Variants in KCNH7 observed in about 807,000 individuals in gnomAD.
The protein encoded by KCNH7 is potassium voltage-gated channel subfamily H member 7.
In KCNH7, 49 loss-of-function variants were observed where a neutral mutation model predicts 120.8. That is an observed-to-expected ratio of 0.41 (90% confidence interval 0.32 to 0.51). The LOEUF is 0.51. KCNH7 is among the 20% of genes least tolerant of loss of function. The probability of loss-of-function intolerance (pLI) is 0.38; values close to 1 mark genes in which losing one functional copy is unlikely to be tolerated. For missense variants in KCNH7, 1,097 were observed against 1,446.6 expected (o/e 0.76, Z 3.92); for synonymous variants, 547 against 516.1 (o/e 1.06, Z -0.81).
At chr2:162,822,242 G>A (rs758380348) in intron 2 of KCNH7, among the ~76,000 whole-genome samples, 2 of 151,566 alleles carry the variant, frequency 1.3e-5, no homozygotes, top group Non-Finnish European at 2.9e-5. Context: ...CACTCAATAG[G>A]CATATCAACT....
chr2:162,437,370 G>A (rs1688274791), intron 7 of KCNH7, among the ~76,000 whole-genome samples: 1 of 152,226 alleles, frequency 6.6e-6, no homozygotes, highest in East Asian at 1.9e-4. Context: ...TTTCAGAGTG[G>A]AATGAAGGTG....
Position 162,689,143 on chromosome 2 carries a change from C to CTATTAT in KCNH7, c.307+147388_307+147393dup, listed in dbSNP as rs148007770. On this transcript the variant is annotated intron_variant, in intron 2 of 15. Coordinates refer to ENST00000332142, the MANE Select transcript of KCNH7 (RefSeq NM_033272.4). ...TTCATTATTGTATTACATTTAGTTA[C>CTATTAT]TATTATTATTATTATTATTATTATT... Among the ~76,000 whole-genome samples the CTATTAT allele has an allele frequency of 1.7e-3, 250 of 149,752 alleles. 2 individuals are homozygous for CTATTAT. The highest frequency in any genetic ancestry group is 0.011 in the East Asian group (55 of 5,032).
intron 2 of KCNH7, among the ~76,000 whole-genome samples, chr2:162,602,033 C>T (rs938168379): frequency 6.6e-6 from 1 of 151,980 alleles, no homozygotes; most frequent in African/African-American, 2.4e-5. Flanking sequence ...TATTAGGGTC[C>T]TTGCAGAGGA....
At chr2:162,495,006 C>G (rs183328818) in intron 6 of KCNH7, among the ~76,000 whole-genome samples, 39 of 152,254 alleles carry the variant, frequency 2.6e-4, no homozygotes, top group Non-Finnish European at 4.7e-4. Flanking sequence ...ATTGAGTAAG[C>G]TATACTCCTG....
intron 2 of KCNH7, among the ~76,000 whole-genome samples, chr2:162,704,522 C>T (rs1288601343): frequency 6.6e-6 from 1 of 152,166 alleles, no homozygotes; most frequent in Non-Finnish European, 1.5e-5. Context: ...AAACTAAGTG[C>T]TAAAATTCAG....
intron 2 of KCNH7, among the ~76,000 whole-genome samples, chr2:162,710,248 A>G (rs1417619387): frequency 6.6e-6 from 1 of 152,232 alleles, no homozygotes; most frequent in African/African-American, 2.4e-5. Context: ...CTGAAGCACT[A>G]AAATGAATGT....
chr2:162,674,838 C>A (rs537351830), intron 2 of KCNH7, among the ~76,000 whole-genome samples: 1 of 151,638 alleles, frequency 6.6e-6, no homozygotes, highest in Non-Finnish European at 1.5e-5. Flanking sequence ...ACATGAAAGG[C>A]AAACTGTAAA....
At chr2:162,490,642 T>C (rs1262596154) in intron 6 of KCNH7, among the ~76,000 whole-genome samples, 2 of 152,038 alleles carry the variant, frequency 1.3e-5, no homozygotes, top group Non-Finnish European at 2.9e-5. Context: ...GTGAGCCAAT[T>C]AAGAATAAAT....
intron 6 of KCNH7, among the ~76,000 whole-genome samples, chr2:162,466,863 G>A (rs898565069): frequency 1.3e-5 from 2 of 152,152 alleles, no homozygotes; most frequent in Non-Finnish European, 2.9e-5. Flanking sequence ...TGATTCAAAT[G>A]TATTAAATGT....
At chr2:162,483,825 C>A (rs1465512940) in intron 6 of KCNH7, among the ~76,000 whole-genome samples, 1 of 152,120 alleles carries the variant, frequency 6.6e-6, no homozygotes, top group East Asian at 1.9e-4. Flanking sequence ...CTGCTAGCAA[C>A]CCTGTATTTC....
chr2:162,380,093 C>T (rs1407275423), intron 13 of KCNH7, 72 bp from the exon 14 acceptor site: 3 of 1,532,392 alleles, frequency 2.0e-6, no homozygotes, highest in Middle Eastern at 1.7e-4. Flanking sequence ...TAGATATCCA[C>T]AAGACAAGCT....
rs184552608 is a variant in KCNH7, at chr2:162,518,073, C to T, written c.549G>A (p.Val183=). 57 of 1,612,200 alleles carry T rather than the reference C, an allele frequency of 3.5e-5. No individual in the cohort carries two copies. In the Admixed American group the frequency reaches 3.7e-4, roughly 10 times the overall value. ...CACTGTGTTTAGATGAATCGATGAC[C>T]ACCACATCGGGGTCTTCTTGTGGTA... ...QSLPQEDPDV[V]VIDSSKHSDD... The change falls in exon 4 of 16, where the codon GTG becomes GTA. Residue 183 remains valine (V), a synonymous_variant. Coordinates refer to ENST00000332142, the MANE Select transcript of KCNH7 (RefSeq NM_033272.4).
At chr2:162,599,719 T>C (rs1020232484) in intron 2 of KCNH7, among the ~76,000 whole-genome samples, 1 of 152,070 alleles carries the variant, frequency 6.6e-6, no homozygotes, top group African/African-American at 2.4e-5. Context: ...ATGATTAATC[T>C]ACTTTTTCAT....
intron 2 of KCNH7, among the ~76,000 whole-genome samples, chr2:162,738,291 C>T (rs1290242613): frequency 2.0e-5 from 3 of 152,074 alleles, no homozygotes; most frequent in Non-Finnish European, 4.4e-5. Flanking sequence ...AAAGACCCTA[C>T]TCCCTCTGTG....
intron 2 of KCNH7, among the ~76,000 whole-genome samples, chr2:162,777,673 C>T (rs1683296133): frequency 1.3e-5 from 2 of 152,108 alleles, no homozygotes; most frequent in South Asian, 4.1e-4. Context: ...TAATCATCCT[C>T]ATTATACAAA....
At chr2:162,569,821 T>C (rs1693398917) in intron 2 of KCNH7, among the ~76,000 whole-genome samples, 1 of 141,216 alleles carries the variant, frequency 7.1e-6, no homozygotes, top group Admixed American at 7.4e-5. Context: ...TTGTTCAGTG[T>C]CCATGTAGTT....
chr2:162,371,866 T>G lies in KCNH7; in HGVS notation c.3554A>C (p.His1185Pro). ...SLSTVGIVGL[H>P]RHVSDPGLPG... ...AAGACCAGGATCAGAAACATGCCTA[T>G]GAAGACCCACGATTCCTACAGTGCT... The change falls in exon 16 of 16, where the codon CAT becomes CCT. Residue 1185 changes from histidine (H) to proline (P), a missense_variant. Physicochemically the swap from His to Pro is moderately conservative, Grantham distance 77. Transcript: ENST00000332142. 1 of 1,612,814 alleles carries G rather than the reference T, an allele frequency of 6.2e-7. No individual in the cohort carries two copies. Among genetic ancestry groups the G allele is most frequent in the Non-Finnish European group, 8.5e-7 (1 of 1,178,940 alleles).
At chr2:162,381,615 G>A (rs1223967512) in intron 13 of KCNH7, among the ~76,000 whole-genome samples, 1 of 152,068 alleles carries the variant, frequency 6.6e-6, no homozygotes, top group African/African-American at 2.4e-5. Flanking sequence ...AAAAATATAG[G>A]ATCAGAGTTC....
At chr2:162,769,152 C>A (rs189695021) in intron 2 of KCNH7, among the ~76,000 whole-genome samples, 2 of 152,198 alleles carry the variant, frequency 1.3e-5, no homozygotes, top group Admixed American at 1.3e-4. Flanking sequence ...CAAGAAAAGA[C>A]CAAGGTATTC....
Sources: gnomAD v4.1 joint callset for allele counts (sites outside exome capture counted in the v4.1 genomes callset) on GRCh38, gnomAD v4.1.1 for gene constraint, MANE v1.5 for transcripts, NCBI Gene and HGNC (gene_info 2026-07-23, HGNC 2026-07-21) for gene names.